DLG1: variants seen among roughly 807,000 people sequenced by gnomAD.
DLG1 encodes the protein discs large MAGUK scaffold protein 1.
DLG1 carries 42 observed loss-of-function variants against 123.4 expected under a neutral mutation model. The observed-to-expected ratio is 0.34, with a 90% confidence interval of 0.27 to 0.44. The LOEUF is 0.44. DLG1 is among the 20% of genes least tolerant of loss of function. DLG1 has a pLI of 1.00. For missense variants in DLG1, 942 were observed against 1,082.6 expected, an observed-to-expected ratio of 0.87 and a Z score of 1.82; for synonymous variants, 317 against 356.2, an observed-to-expected ratio of 0.89 and a Z score of 1.24.
chr3:197,114,118 G>A (rs777875884), intron 13 of DLG1, among the ~76,000 whole-genome samples: 1 of 152,184 alleles, frequency 6.6e-6, no homozygotes, highest in Non-Finnish European at 1.5e-5. Context: ...TCCACTCATA[G>A]GAGTTTAGGG....
At chr3:197,107,208 A>G (rs1246850772) in intron 13 of DLG1, among the ~76,000 whole-genome samples, 1 of 152,140 alleles carries the variant, frequency 6.6e-6, no homozygotes, top group East Asian at 1.9e-4. Flanking sequence ...TTCATTCCTT[A>G]TATTTAGTGG....
intron 16 of DLG1, among the ~76,000 whole-genome samples, chr3:197,083,854 C>A (rs894396643): frequency 6.6e-6 from 1 of 151,960 alleles, no homozygotes; most frequent in Non-Finnish European, 1.5e-5. Context: ...TGACACGCGC[C>A]TGGAGTCCCA....
intron 14 of DLG1, among the ~76,000 whole-genome samples, chr3:197,102,485 T>C (rs1315641427): frequency 6.6e-6 from 1 of 152,264 alleles, no homozygotes; most frequent in Admixed American, 6.5e-5. Context: ...TTTGTGTTAA[T>C]GTTTTTGTGT....
At chr3:197,093,792 GATT>G (rs1200372194) in intron 14 of DLG1, among the ~76,000 whole-genome samples, 1 of 152,122 alleles carries the variant, frequency 6.6e-6, no homozygotes, top group Non-Finnish European at 1.5e-5. Flanking sequence ...ACCAGTGGCA[GATT>G]ATATTTTCCA....
intron 11 of DLG1, among the ~76,000 whole-genome samples, chr3:197,120,857 C>T (rs1319167574): frequency 6.6e-6 from 1 of 152,076 alleles, no homozygotes; most frequent in Non-Finnish European, 1.5e-5. Context: ...GTATTTGAGC[C>T]AAAGGACTTT....
At chr3:197,243,577 G>A (rs1417152855) in intron 4 of DLG1, among the ~76,000 whole-genome samples, 4 of 152,024 alleles carry the variant, frequency 2.6e-5, no homozygotes, top group Non-Finnish European at 5.9e-5. Flanking sequence ...TACAACACTG[G>A]GTTCCTATCA....
intron 24 of DLG1, among the ~76,000 whole-genome samples, chr3:197,051,254 T>C (rs1017736649): frequency 6.6e-6 from 1 of 151,974 alleles, no homozygotes; most frequent in Non-Finnish European, 1.5e-5. Flanking sequence ...GTGCCTGTAA[T>C]CCCAGCCACT....
In DLG1 at chr3:197,271,733, T is replaced by C. The variant is rs553791351; in HGVS notation, c.318+10946A>G. On this transcript the variant is annotated intron_variant, in intron 4 of 24. Coordinates refer to ENST00000667157, the MANE Select transcript of DLG1 (RefSeq NM_001366207.1). ...TTGCTAATTTTCTCAGATGTGGTAA[T>C]GGTACTAAGATAACACAGAAGAATA... is the stretch of plus-strand genomic sequence containing the variant. Among the ~76,000 whole-genome samples the C allele has an allele frequency of 3.9e-5, 6 of 152,332 alleles. No individual in the cohort carries two copies. The South Asian group carries it at 1.2e-3, about 32-fold the overall frequency.
Position 197,130,686 on chromosome 3 carries a change from A to G in DLG1, c.1021-15T>C. 3 of 1,579,354 alleles carry G rather than the reference A, an allele frequency of 1.9e-6. No individual in the cohort carries two copies. Among genetic ancestry groups the G allele is most frequent in the Non-Finnish European group, 2.6e-6 (3 of 1,164,978 alleles). On this transcript the variant is annotated splice_polypyrimidine_tract_variant and intron_variant, in intron 10 of 24. Coordinates refer to ENST00000667157, the MANE Select transcript of DLG1 (RefSeq NM_001366207.1). ...ACGTTATTCACCTAAAAAAAGTCCC[A>G]AAAGACATTTATGACATATTCACTT... is the stretch of plus-strand genomic sequence containing the variant.
At chr3:197,087,988 T>G (rs1215066080) in intron 15 of DLG1, among the ~76,000 whole-genome samples, 3 of 152,088 alleles carry the variant, frequency 2.0e-5, no homozygotes, top group Non-Finnish European at 4.4e-5. Flanking sequence ...TGGACTGAAA[T>G]GGATGAAAAT....
At chr3:197,087,573 C>T (rs966735092) in intron 15 of DLG1, among the ~76,000 whole-genome samples, 3 of 152,056 alleles carry the variant, frequency 2.0e-5, no homozygotes, top group Admixed American at 6.6e-5. Flanking sequence ...TCTTCTCCAC[C>T]CTGACTCATT....
chr3:197,100,028 T>C lies in DLG1; in HGVS notation c.1546+4875A>G, dbSNP rs568291157. Among the ~76,000 whole-genome samples, 4 of 152,238 alleles carry C rather than the reference T, an allele frequency of 2.6e-5. No homozygotes were observed. In the South Asian group the frequency reaches 8.3e-4, roughly 32 times the overall value. On this transcript the variant is annotated intron_variant, in intron 14 of 24. Coordinates refer to ENST00000667157, the MANE Select transcript of DLG1 (RefSeq NM_001366207.1). ...TTTGGTTGAACAGCACGTGCGTAAG[T>C]GGACACTCGCAGTTCAAACCTGTGT... is the stretch of plus-strand genomic sequence containing the variant.
At chr3:197,094,888 G>A (rs144996674) in intron 14 of DLG1, among the ~76,000 whole-genome samples, 237 of 152,238 alleles carry the variant, frequency 1.6e-3, no homozygotes, top group South Asian at 3.3e-3. Context: ...TCTGCTGGGG[G>A]AGGGAAGTGG....
intron 5 of DLG1, among the ~76,000 whole-genome samples, chr3:197,184,632 A>G (rs1444535160): frequency 6.6e-6 from 1 of 152,230 alleles, no homozygotes; most frequent in African/African-American, 2.4e-5. Flanking sequence ...TGCTTCTGGA[A>G]CCTTTATGAT....
chr3:197,121,823 CAAA>C (rs71161995), intron 11 of DLG1, among the ~76,000 whole-genome samples: 3 of 101,998 alleles, frequency 2.9e-5, no homozygotes, highest in Non-Finnish European at 5.6e-5. Context: ...ACAATCACCA[CAAA>C]AAAAAAAAAA....
intron 24 of DLG1, among the ~76,000 whole-genome samples, chr3:197,047,384 C>A (rs995836396): frequency 2.0e-5 from 3 of 152,092 alleles, no homozygotes; most frequent in African/African-American, 7.2e-5. Flanking sequence ...ATTCTTGTAA[C>A]TTCTATTTAA....
In DLG1 at chr3:197,101,439, G is replaced by C. The variant is rs1763396182; in HGVS notation, c.1546+3464C>G. Among the ~76,000 whole-genome samples the C allele has an allele frequency of 3.3e-5, 5 of 151,766 alleles. No individual in the cohort carries two copies. In the South Asian group the frequency reaches 1.0e-3, roughly 32 times the overall value. On this transcript the variant is annotated intron_variant, in intron 14 of 24. Coordinates refer to ENST00000667157, the MANE Select transcript of DLG1 (RefSeq NM_001366207.1). ...CTCGCTCTGTCGCCCAGGCTGGAGT[G>C]CAGTGGCGTGATCTCGGCTCACTGC...
At chr3:197,129,144 C>G (rs1478395577) in intron 11 of DLG1, among the ~76,000 whole-genome samples, 1 of 152,186 alleles carries the variant, frequency 6.6e-6, no homozygotes, top group Admixed American at 6.5e-5. Context: ...TGTGAAAGTC[C>G]TAAAAGGTGT....
At chr3:197,219,054 C>T (rs1430087473) in intron 4 of DLG1, among the ~76,000 whole-genome samples, 1 of 152,032 alleles carries the variant, frequency 6.6e-6, no homozygotes, top group Admixed American at 6.6e-5. Context: ...TCGCTTGAAC[C>T]CAGGAGGCAG....
Sources: allele counts gnomAD v4.1 joint callset (sites outside exome capture counted in the v4.1 genomes callset), GRCh38; gene constraint gnomAD v4.1.1; transcripts MANE v1.5; gene names NCBI Gene and HGNC (gene_info 2026-07-23, HGNC 2026-07-21).